Variants in LMBRD2 observed in about 807,000 individuals in gnomAD.
LMBRD2 encodes the protein LMBR1 domain containing 2.
Under a neutral mutation model 94.4 loss-of-function variants are expected in LMBRD2, and 55 were observed. The observed-to-expected ratio is 0.58, with a 90% CI of 0.47 to 0.73. The LOEUF (loss-of-function observed/expected upper bound fraction) is 0.73. Ranked by LOEUF, LMBRD2 falls within the 30% of genes least tolerant of loss-of-function variation. The probability of loss-of-function intolerance (pLI) is 0.00; values close to 1 mark genes in which losing one functional copy is unlikely to be tolerated. For synonymous variants in LMBRD2, 246 were observed against 272.4 expected (o/e 0.90, Z 0.95); for missense variants, 640 against 831.9 (o/e 0.77, Z 2.84).
intron 6 of LMBRD2, among the ~76,000 whole-genome samples, chr5:36,125,686 T>C (rs187275001): frequency 1.3e-5 from 2 of 152,172 alleles, no homozygotes; most frequent in Non-Finnish European, 2.9e-5. Flanking sequence ...ATTTAGAATA[T>C]GCATACTTTA....
intron 10 of LMBRD2, among the ~76,000 whole-genome samples, chr5:36,117,287 G>A (rs1300121284): frequency 3.3e-5 from 5 of 152,094 alleles, no homozygotes. Flanking sequence ...AGACCAGCCT[G>A]GGCAACATGG....
At chr5:36,139,342 G>C (rs1744347304) in intron 4 of LMBRD2, among the ~76,000 whole-genome samples, 1 of 152,222 alleles carries the variant, frequency 6.6e-6, no homozygotes, top group Non-Finnish European at 1.5e-5. Flanking sequence ...GTGGGGCTGA[G>C]GGCAGCTCAG....
At position 36,122,527 on chromosome 5, in the gene LMBRD2, T is replaced by C. The variant is rs1743911051; in HGVS notation, c.937-64A>G. ...ATCCAACAGTGGTTCAACTCTCCAC[T>C]AGGGAGCATGTTTGGATTGTCATAA... On this transcript the variant is annotated intron_variant, in intron 8 of 17. Coordinates refer to ENST00000296603, the MANE Select transcript of LMBRD2 (RefSeq NM_001007527.2). 5 of 1,334,368 alleles carry C rather than the reference T, an allele frequency of 3.7e-6. No homozygotes were observed. The Admixed American group carries it at 1.1e-4, about 29-fold the overall frequency. 82.7% of individuals were successfully genotyped at this position (1,334,368 alleles called of 1,614,324 possible). A position where few individuals can be genotyped will look rare whatever the true frequency, so the allele number is the denominator to read the frequency against.
At chr5:36,104,502 T>C (rs1236590750) in intron 17 of LMBRD2, among the ~76,000 whole-genome samples, 2 of 152,074 alleles carry the variant, frequency 1.3e-5, no homozygotes, top group East Asian at 1.9e-4. Flanking sequence ...TATTTAATTA[T>C]GTGCTTATAG....
rs2111833534 is a variant in LMBRD2, at chr5:36,103,404, G to A, written c.*642C>T. Reference sequence around the variant, plus strand: ...AGGAATACTATATCACCTGATTATAGTACACATGCTAAATACACAGACACG... The same window carrying A: ...AGGAATACTATATCACCTGATTATAATACACATGCTAAATACACAGACACG... On this transcript the variant is annotated 3_prime_UTR_variant, in exon 18 of 18. Coordinates refer to ENST00000296603, the MANE Select transcript of LMBRD2 (RefSeq NM_001007527.2). The A allele has an allele frequency of 6.6e-6, 1 of 152,306 alleles. No individual in the cohort carries two copies. Among genetic ancestry groups the A allele is most frequent in the Non-Finnish European group, 1.5e-5 (1 of 67,780 alleles). 9.4% of individuals were successfully genotyped at this position (152,306 alleles called of 1,614,324 possible).
chr5:36,130,614 C>A (rs193149565), intron 6 of LMBRD2, among the ~76,000 whole-genome samples: 2 of 152,110 alleles, frequency 1.3e-5, no homozygotes, highest in African/African-American at 2.4e-5. Context: ...GAACTAAACT[C>A]TTCAATCAAA....
At chr5:36,113,032 G>A (rs1179673569) in intron 13 of LMBRD2, among the ~76,000 whole-genome samples, 1 of 152,030 alleles carries the variant, frequency 6.6e-6, no homozygotes, top group East Asian at 1.9e-4. Flanking sequence ...TATTTTAAGG[G>A]AGGAGAACAC....
In LMBRD2 at chr5:36,117,909, G is replaced by A. The variant is rs746013724; in HGVS notation, c.1128C>T (p.Tyr376=). ...ACCATGGTCGCAAAAGACATTCCCA[G>A]TACCATTCTAGAAGACAAAAGAAAA... ...QYFYNPTFEW[Y]WECLLRPWFY... The change falls in exon 10 of 18, where the codon TAC becomes TAT. Residue 376 remains tyrosine (Y), a synonymous_variant. Transcript: ENST00000296603. 1.2e-6 allele frequency: 2 copies of A among 1,601,292 alleles called. No individual in the cohort carries two copies. Among genetic ancestry groups the A allele is most frequent in the Non-Finnish European group, 1.7e-6 (2 of 1,176,138 alleles).
chr5:36,149,596 C>T (rs1744639242), intron 1 of LMBRD2, among the ~76,000 whole-genome samples: 1 of 152,164 alleles, frequency 6.6e-6, no homozygotes, highest in Non-Finnish European at 1.5e-5. Context: ...AAGGGTGGAC[C>T]GTCTTCCTTT....
At position 36,111,199 on chromosome 5, in the gene LMBRD2, A is replaced by AT; in HGVS notation, c.1699dup (p.Met567AsnfsTer7). On this transcript the variant is annotated frameshift_variant, in exon 14 of 18. Coordinates refer to ENST00000296603, the MANE Select transcript of LMBRD2 (RefSeq NM_001007527.2). LOFTEE classifies it high-confidence loss of function. ...TCCTTCATTAACTAAGTCTGATGTC[A>AT]TATCATCATCTCCCATAAACTGCTG... 2.5e-6 allele frequency: 4 copies of AT among 1,611,928 alleles called. No individual in the cohort carries two copies. The highest frequency in any genetic ancestry group is 3.4e-6 in the Non-Finnish European group (4 of 1,178,682).
intron 13 of LMBRD2, among the ~76,000 whole-genome samples, chr5:36,113,353 A>G (rs566237804): frequency 6.6e-6 from 1 of 152,016 alleles, no homozygotes; most frequent in Admixed American, 6.5e-5. Flanking sequence ...AAGCCCTTAA[A>G]AGGGACAGGA....
intron 3 of LMBRD2, among the ~76,000 whole-genome samples, chr5:36,141,568 A>C (rs1229162546): frequency 2.0e-5 from 3 of 151,870 alleles, no homozygotes; most frequent in Non-Finnish European, 2.9e-5. Flanking sequence ...AAAATACACA[A>C]TCCATTTATA....
chr5:36,136,849 A>C (rs1398629135), intron 5 of LMBRD2, among the ~76,000 whole-genome samples: 2 of 152,206 alleles, frequency 1.3e-5, no homozygotes. Context: ...TATATTACAA[A>C]TCATAAGTAT....
At chr5:36,109,660 G>T (rs1014864556) in intron 15 of LMBRD2, among the ~76,000 whole-genome samples, 1 of 151,972 alleles carries the variant, frequency 6.6e-6, no homozygotes, top group Non-Finnish European at 1.5e-5. Flanking sequence ...ACAAATTTAT[G>T]TATTTATTCA....
chr5:36,126,286 G>A (rs1438275026), intron 6 of LMBRD2, among the ~76,000 whole-genome samples: 1 of 151,936 alleles, frequency 6.6e-6, no homozygotes, highest in Admixed American at 6.6e-5. Context: ...GAAATACCAT[G>A]TTTTTTTCTT....
intron 10 of LMBRD2, among the ~76,000 whole-genome samples, chr5:36,117,060 GA>G (rs1161716606): frequency 1.3e-5 from 2 of 151,866 alleles, no homozygotes; most frequent in Non-Finnish European, 1.5e-5. Flanking sequence ...CTAAGATTAT[GA>G]AAAAAACCCA....
chr5:36,124,139 ATAT>A (rs1449482333), intron 7 of LMBRD2, 49 bp downstream of exon 7: 4 of 1,036,438 alleles, frequency 3.9e-6, no homozygotes, highest in Non-Finnish European at 5.8e-6. Flanking sequence ...TTTTGGTATA[ATAT>A]TATATAAGTG....
At chr5:36,109,272 T>C (rs1164193632) in intron 15 of LMBRD2, among the ~76,000 whole-genome samples, 2 of 152,098 alleles carry the variant, frequency 1.3e-5, no homozygotes, top group Non-Finnish European at 2.9e-5. Context: ...GAGAAGCCTA[T>C]TGCAATTCTG....
intron 12 of LMBRD2, 79 bp from the exon 13 acceptor site, chr5:36,114,600 TA>T: frequency 7.1e-7 from 1 of 1,403,568 alleles, no homozygotes; most frequent in Admixed American, 3.0e-5. Flanking sequence ...AAAATTTGCC[TA>T]TAACCAGTTA....
Sources: allele counts gnomAD v4.1 joint callset (sites outside exome capture counted in the v4.1 genomes callset), GRCh38; gene constraint gnomAD v4.1.1; transcripts MANE v1.5; gene names NCBI Gene and HGNC (gene_info 2026-07-23, HGNC 2026-07-21).